The following DLGAP2 variants were observed in gnomAD, a reference collection of about 807,000 sequenced individuals.
The protein encoded by DLGAP2 is disks large-associated protein 2.
Under a neutral mutation model 100.3 loss-of-function variants are expected in DLGAP2, and 26 were observed. The observed-to-expected ratio is 0.26, with a 90% CI of 0.19 to 0.36. DLGAP2 has a LOEUF of 0.36. Among genes scored for constraint, DLGAP2 ranks in the 10% least tolerant of loss-of-function variants. The pLI is 1.00. For missense variants in DLGAP2, 1,858 were observed against 1,453.2 expected (o/e 1.28, Z -4.53); for synonymous variants, 886 against 630.1 (o/e 1.41, Z -6.08).
At chr8:1,578,249 C>T (rs926632801) in intron 6 of DLGAP2, among the ~76,000 whole-genome samples, 4 of 152,184 alleles carry the variant, frequency 2.6e-5, no homozygotes, top group African/African-American at 7.2e-5. Flanking sequence ...TCTTGGTGTA[C>T]ATGAACAACT....
At chr8:1,435,840 G>A (rs1212775744) in intron 3 of DLGAP2, among the ~76,000 whole-genome samples, 1 of 151,914 alleles carries the variant, frequency 6.6e-6, no homozygotes, top group Non-Finnish European at 1.5e-5. Flanking sequence ...AGAGGCTGAT[G>A]TGTTTTTGGG....
At chr8:1,301,703 G>C (rs965139991) in intron 3 of DLGAP2, 3 of 152,222 alleles carry the variant, frequency 2.0e-5, no homozygotes, top group Non-Finnish European at 2.9e-5. Context: ...GTTGGGATGA[G>C]TCCTGCAGAG....
chr8:855,112 T>A (rs1797252392), intron 1 of DLGAP2, among the ~76,000 whole-genome samples: 1 of 151,978 alleles, frequency 6.6e-6, no homozygotes, highest in South Asian at 2.1e-4. Flanking sequence ...GGATGTGCGA[T>A]TGGGTTGCTG....
intron 2 of DLGAP2, among the ~76,000 whole-genome samples, chr8:1,230,205 T>C (rs1798506479): frequency 1.3e-5 from 2 of 152,170 alleles, no homozygotes; most frequent in Admixed American, 6.5e-5. Flanking sequence ...TCAGTAGCAT[T>C]TCTAGAAACC....
At chr8:1,627,452 GC>G (rs1797534118) in intron 7 of DLGAP2, among the ~76,000 whole-genome samples, 1 of 152,150 alleles carries the variant, frequency 6.6e-6, no homozygotes, top group South Asian at 2.1e-4. Flanking sequence ...TGAAAGGGAG[GC>G]CCCCCTGCTC....
At chr8:1,411,839 C>T (rs1205140710) in intron 3 of DLGAP2, among the ~76,000 whole-genome samples, 1 of 152,218 alleles carries the variant, frequency 6.6e-6, no homozygotes, top group East Asian at 1.9e-4. Context: ...ATCAGCTCTG[C>T]CCTCATGAGC....
At chr8:833,664 C>T (rs10106538) in intron 1 of DLGAP2, among the ~76,000 whole-genome samples, 111,402 of 152,148 alleles carry the variant, frequency 0.73, 41,006 homozygotes, top group Admixed American at 0.78. Context: ...CCCTCTGCCA[C>T]GTGAGGTCAC....
In DLGAP2 at chr8:958,263, C is replaced by A. The variant is rs146584889; in HGVS notation, c.73+50297C>A. On this transcript the variant is annotated intron_variant, in intron 2 of 14. Coordinates refer to ENST00000637795, the MANE Select transcript of DLGAP2 (RefSeq NM_001346810.2). Reference sequence around the variant, plus strand: ...GTAATCCATTGTGTGGACACCCCCCCACCGCCGCCATGTTTTGTCGATCCA... The same window carrying A: ...GTAATCCATTGTGTGGACACCCCCCAACCGCCGCCATGTTTTGTCGATCCA... Among the ~76,000 whole-genome samples the A allele has an allele frequency of 1.1e-4, 17 of 152,312 alleles. No individual in the cohort carries two copies. In the East Asian group the frequency reaches 2.7e-3, roughly 24 times the overall value.
chr8:929,260 C>T (rs371794188), intron 2 of DLGAP2, among the ~76,000 whole-genome samples: 4 of 19,666 alleles, frequency 2.0e-4, no homozygotes, highest in East Asian at 1.5e-3. Flanking sequence ...ATCCCACACA[C>T]CCCTGCCATT....
chr8:922,216 G>A lies in DLGAP2; in HGVS notation c.73+14250G>A, dbSNP rs575531072. Among the ~76,000 whole-genome samples the A allele has an allele frequency of 5.3e-5, 8 of 152,354 alleles. No homozygotes were observed. In the South Asian group the frequency reaches 1.4e-3, roughly 28 times the overall value. On this transcript the variant is annotated intron_variant, in intron 2 of 14. Transcript: ENST00000637795. Reference sequence around the variant, plus strand: ...GTGAGCCAGATAATACTTTAAGCTGGAAGTGGAAGCCTTCTCTCTTCTCTA... The same window carrying A: ...GTGAGCCAGATAATACTTTAAGCTGAAAGTGGAAGCCTTCTCTCTTCTCTA...
At chr8:1,258,982 T>C (rs185926723) in intron 3 of DLGAP2, 99 bp downstream of exon 3, 1 of 1,040,410 alleles carries the variant, frequency 9.6e-7, no homozygotes, top group Non-Finnish European at 1.2e-6. Flanking sequence ...GAGAGAACCT[T>C]GAACATTGAG....
intron 3 of DLGAP2, among the ~76,000 whole-genome samples, chr8:1,287,316 T>C (rs1306545857): frequency 7.7e-6 from 1 of 130,710 alleles, no homozygotes; most frequent in East Asian, 2.3e-4. Flanking sequence ...CGGTTCAGCG[T>C]GTGTGTGTGT....
intron 1 of DLGAP2, among the ~76,000 whole-genome samples, chr8:770,667 A>G (rs746511246): frequency 2.0e-5 from 3 of 151,266 alleles, no homozygotes; most frequent in Non-Finnish European, 4.4e-5. Context: ...CTTCGTGCTG[A>G]CCTCCTGCTT....
intron 1 of DLGAP2, among the ~76,000 whole-genome samples, chr8:792,424 G>A (rs2132641505): frequency 6.6e-6 from 1 of 152,254 alleles, no homozygotes; most frequent in Middle Eastern, 3.4e-3. Flanking sequence ...GCACAGTGCT[G>A]AATACTAAAA....
chr8:917,107 A>C (rs1384819532), intron 2 of DLGAP2, among the ~76,000 whole-genome samples: 1 of 152,116 alleles, frequency 6.6e-6, no homozygotes, highest in African/African-American at 2.4e-5. Flanking sequence ...AAGCACATAC[A>C]TTTTCAGGAG....
intron 4 of DLGAP2, among the ~76,000 whole-genome samples, chr8:1,528,233 G>T (rs1352986378): frequency 6.6e-6 from 1 of 152,178 alleles, no homozygotes; most frequent in Non-Finnish European, 1.5e-5. Flanking sequence ...TCCTCCTCAG[G>T]CCACTGGCCA....
intron 3 of DLGAP2, among the ~76,000 whole-genome samples, chr8:1,475,086 G>A (rs144007208): frequency 4.3e-4 from 65 of 152,208 alleles, no homozygotes; most frequent in African/African-American, 1.4e-3. Context: ...GCAGAGACAC[G>A]GGTGTAGTCA....
intron 8 of DLGAP2, among the ~76,000 whole-genome samples, chr8:1,639,426 G>A (rs755490479): frequency 1.2e-4 from 18 of 152,164 alleles, no homozygotes; most frequent in African/African-American, 3.4e-4. Flanking sequence ...GGCCTGAATT[G>A]TGCAGCCCCT....
intron 1 of DLGAP2, among the ~76,000 whole-genome samples, chr8:777,447 G>A (rs13276228): frequency 0.13 from 20,104 of 151,784 alleles, 1,739 homozygotes; most frequent in East Asian, 0.46. Flanking sequence ...TCCTAGTCTC[G>A]ATGGTCTTTA....
Sources: allele counts gnomAD v4.1 joint callset (sites outside exome capture counted in the v4.1 genomes callset), GRCh38; gene constraint gnomAD v4.1.1; transcripts MANE v1.5; gene names NCBI Gene and HGNC (gene_info 2026-07-23, HGNC 2026-07-21).